The following KCNT2 variants were observed in gnomAD, a reference collection of about 807,000 sequenced individuals.
KCNT2 encodes the protein potassium sodium-activated channel subfamily T member 2, also known as potassium channel subfamily T member 2.
A neutral mutation model predicts 153.8 loss-of-function variants in KCNT2; 67 were observed. The observed-to-expected ratio is 0.44, with a 90% CI of 0.36 to 0.53. The LOEUF is 0.53. KCNT2 is among the 20% of genes least tolerant of loss of function. The probability of loss-of-function intolerance (pLI) is 0.00; values close to 1 mark genes in which losing one functional copy is unlikely to be tolerated. For missense variants in KCNT2, 975 were observed against 1,354.8 expected (o/e 0.72, Z 4.40); for synonymous variants, 500 against 458.8 (o/e 1.09, Z -1.15).
In KCNT2 at chr1:196,465,301, G is replaced by C. The variant is rs780358767; in HGVS notation, c.630C>G (p.Ile210Met). The change falls in exon 8 of 28, where the codon ATC becomes ATG. Residue 210 changes from isoleucine (I) to methionine (M), a missense_variant. Transcript: ENST00000294725. ...LILISTLLCL[I>M]FTCICGIQHL... ...GATATGTACAATCTTACCAGGTGAA[G>C]ATAAGGCATAGTAATGTAGATATTA... The C allele has an allele frequency of 6.5e-7, 1 of 1,544,046 alleles. No individual in the cohort carries two copies. Among genetic ancestry groups the C allele is most frequent in the South Asian group, 1.1e-5 (1 of 89,024 alleles).
chr1:196,474,021 A>C (rs1164438061), intron 5 of KCNT2, among the ~76,000 whole-genome samples: 1 of 152,152 alleles, frequency 6.6e-6, no homozygotes, highest in Non-Finnish European at 1.5e-5. Flanking sequence ...CTCAGTGGCC[A>C]GTCCTCTCTA....
At chr1:196,347,258 C>T (rs781080834) in intron 14 of KCNT2, among the ~76,000 whole-genome samples, 4 of 152,132 alleles carry the variant, frequency 2.6e-5, no homozygotes, top group Non-Finnish European at 5.9e-5. Flanking sequence ...ATTAATTTGT[C>T]TTCAGCTTAC....
chr1:196,269,577 T>C (rs1657873894), intron 25 of KCNT2, among the ~76,000 whole-genome samples: 1 of 152,110 alleles, frequency 6.6e-6, no homozygotes, highest in South Asian at 2.1e-4. Flanking sequence ...TTAGCTATCA[T>C]GGAGGCCAAG....
At chr1:196,295,676 A>G (rs1242475880) in intron 22 of KCNT2, among the ~76,000 whole-genome samples, 1 of 152,004 alleles carries the variant, frequency 6.6e-6, no homozygotes, top group Non-Finnish European at 1.5e-5. Flanking sequence ...GGTTTTGAGT[A>G]AGGCAAAAAA....
chr1:196,261,876 G>A (rs1415306802), intron 25 of KCNT2, among the ~76,000 whole-genome samples: 1 of 151,632 alleles, frequency 6.6e-6, no homozygotes, highest in African/African-American at 2.4e-5. Flanking sequence ...TGAGAATGAC[G>A]AAAATACATT....
chr1:196,323,453 T>A (rs969795238), intron 19 of KCNT2, among the ~76,000 whole-genome samples: 1 of 151,850 alleles, frequency 6.6e-6, no homozygotes, highest in African/African-American at 2.4e-5. Context: ...ATATTTAAAA[T>A]CAGTATGGCA....
intron 22 of KCNT2, among the ~76,000 whole-genome samples, chr1:196,286,664 CGTT>C (rs1659696840): frequency 2.0e-5 from 3 of 150,566 alleles, no homozygotes; most frequent in Non-Finnish European, 4.4e-5. Flanking sequence ...CACACACACA[CGTT>C]GTTTATGTAT....
chr1:196,593,673 C>A (rs1281646826), intron 1 of KCNT2, among the ~76,000 whole-genome samples: 1 of 151,816 alleles, frequency 6.6e-6, no homozygotes, highest in Non-Finnish European at 1.5e-5. Context: ...AATATATACA[C>A]CTACCATGTA....
chr1:196,423,241 C>T (rs1673363219), intron 11 of KCNT2, 128 bp from the exon 12 acceptor site: 7 of 481,302 alleles, frequency 1.5e-5, no homozygotes, highest in Middle Eastern at 4.3e-4. Context: ...TATCCTTAAG[C>T]TTAAATGAAA....
chr1:196,357,456 T>C (rs1257370502), intron 14 of KCNT2, among the ~76,000 whole-genome samples: 1 of 152,004 alleles, frequency 6.6e-6, no homozygotes, highest in African/African-American at 2.4e-5. Context: ...CCATTTGATA[T>C]GTTGTTTTTA....
intron 25 of KCNT2, chr1:196,273,411 C>T (rs1658255442): frequency 6.2e-6 from 7 of 1,132,600 alleles, no homozygotes; most frequent in Non-Finnish European, 5.1e-6. Context: ...TCTTTAATAG[C>T]TCTGAATTAA....
intron 13 of KCNT2, among the ~76,000 whole-genome samples, chr1:196,378,346 C>T (rs1192793969): frequency 1.3e-5 from 2 of 152,070 alleles, no homozygotes; most frequent in African/African-American, 2.4e-5. Flanking sequence ...TATTAATGTG[C>T]ATATTGCTAG....
chr1:196,550,212 A>G (rs1657709658), intron 1 of KCNT2, among the ~76,000 whole-genome samples: 1 of 151,928 alleles, frequency 6.6e-6, no homozygotes, highest in Admixed American at 6.6e-5. Flanking sequence ...ATAAAAAAGT[A>G]TTGCTCAAAT....
At chr1:196,487,971 C>G (rs1679565334) in intron 3 of KCNT2, among the ~76,000 whole-genome samples, 1 of 151,984 alleles carries the variant, frequency 6.6e-6, no homozygotes, top group Non-Finnish European at 1.5e-5. Flanking sequence ...GCTGATGGCT[C>G]ATCTTTCAGT....
chr1:196,594,466 C>A (rs1321504037), intron 1 of KCNT2, among the ~76,000 whole-genome samples: 1 of 151,992 alleles, frequency 6.6e-6, no homozygotes, highest in Non-Finnish European at 1.5e-5. Context: ...TGACATATTT[C>A]TTTTTCTTTT....
chr1:196,245,664 A>G (rs951644786), intron 26 of KCNT2, among the ~76,000 whole-genome samples: 2 of 152,344 alleles, frequency 1.3e-5, no homozygotes, highest in African/African-American at 4.8e-5. Flanking sequence ...ATTAACAAAG[A>G]GGTTGAACTA....
chr1:196,589,823 GCATA>G (rs1663126093), intron 1 of KCNT2, among the ~76,000 whole-genome samples: 1 of 51,782 alleles, frequency 1.9e-5, no homozygotes, highest in Non-Finnish European at 8.6e-5. Flanking sequence ...TTTAATTTAT[GCATA>G]CAGATTTCTA....
intron 1 of KCNT2, among the ~76,000 whole-genome samples, chr1:196,508,528 A>T (rs1258746781): frequency 6.6e-6 from 1 of 152,178 alleles, no homozygotes; most frequent in Non-Finnish European, 1.5e-5. Flanking sequence ...ATAAGTTCAT[A>T]ATTGGGAGAA....
intron 7 of KCNT2, among the ~76,000 whole-genome samples, 198 bp from the exon 8 acceptor site, chr1:196,465,585 T>C (rs1367841711): frequency 6.6e-6 from 1 of 151,880 alleles, no homozygotes; most frequent in Non-Finnish European, 1.5e-5. Flanking sequence ...AAAGCTTGCA[T>C]AGTTCAAAGA....
Sources: gnomAD v4.1 joint callset for allele counts (sites outside exome capture counted in the v4.1 genomes callset) on GRCh38, gnomAD v4.1.1 for gene constraint, MANE v1.5 for transcripts, NCBI Gene and HGNC (gene_info 2026-07-23, HGNC 2026-07-21) for gene names.